The following PILRB variants were observed in gnomAD, a reference collection of about 807,000 sequenced individuals.
The protein encoded by PILRB is paired immunoglobulin-like type 2 receptor beta.
Under a neutral mutation model 20.5 loss-of-function variants are expected in PILRB, and 21 were observed. That is an observed-to-expected ratio of 1.02 (90% CI 0.72 to 1.47). PILRB has a LOEUF of 1.47. PILRB is among the 40% of genes most tolerant of loss of function. PILRB has a pLI of 0.00. For missense variants in PILRB, 253 were observed against 272.1 expected, an observed-to-expected ratio of 0.93 and a Z score of 0.49; for synonymous variants, 133 against 115.1, an observed-to-expected ratio of 1.16 and a Z score of -0.99.
At position 100,358,229 on chromosome 7, in the gene PILRB, A is replaced by G. The variant is rs772471236; in HGVS notation, c.-74A>G. The G allele has an allele frequency of 8.9e-6, 14 of 1,573,974 alleles. No individual in the cohort carries two copies. In the East Asian group the frequency reaches 3.1e-4, roughly 35 times the overall value. On this transcript the variant is annotated 5_prime_UTR_variant, in exon 1 of 4. Transcript: ENST00000609309. ...TCCCCACTCACCTCAGCCCTCAGGC[A>G]GCCCCTCCACAGGGCCCCTCTCCTG...
chr7:100,359,877 G>A (rs1790477267), intron 3 of PILRB, among the ~76,000 whole-genome samples: 1 of 152,178 alleles, frequency 6.6e-6, no homozygotes, highest in African/African-American at 2.4e-5. Context: ...ACAAAAATTA[G>A]CTGGGCATGG....
rs556409410 is a variant in PILRB at position 100,367,549 on chromosome 7, G to C, written c.*172G>C. The C allele has an allele frequency of 1.6e-6, 1 of 619,068 alleles. No homozygotes were observed. The highest frequency in any genetic ancestry group is 3.0e-6 in the Non-Finnish European group (1 of 337,548). 38.3% of individuals were successfully genotyped at this position (619,068 alleles called of 1,614,324 possible). On this transcript the variant is annotated 3_prime_UTR_variant, in exon 4 of 4. Coordinates refer to ENST00000609309, the MANE Select transcript of PILRB (RefSeq NM_178238.4). Reference sequence around the variant, plus strand: ...AAGGAGGCTGGGTCCCTGAATCACCGACTGGAGGAGAGTTACCTACAAGAG... The same window carrying C: ...AAGGAGGCTGGGTCCCTGAATCACCCACTGGAGGAGAGTTACCTACAAGAG...
intron 3 of PILRB, among the ~76,000 whole-genome samples, chr7:100,363,163 G>A (rs1435507758): frequency 2.1e-5 from 3 of 145,676 alleles, no homozygotes; most frequent in African/African-American, 7.6e-5. Context: ...AAGATTTGAA[G>A]TCCTAGCCAG....
intron 3 of PILRB, among the ~76,000 whole-genome samples, chr7:100,362,379 A>G (rs929868345): frequency 4.6e-5 from 7 of 152,210 alleles, no homozygotes; most frequent in Admixed American, 2.0e-4. Context: ...CAAGTTGGAG[A>G]TAGCCCTGGA....
At chr7:100,361,416 G>A (rs566961539) in intron 3 of PILRB, among the ~76,000 whole-genome samples, 2 of 152,312 alleles carry the variant, frequency 1.3e-5, no homozygotes, top group African/African-American at 4.8e-5. Flanking sequence ...TTCAGGCCAG[G>A]CACGGTGGCT....
chr7:100,358,163 C>T lies in PILRB; in HGVS notation c.-140C>T. ...GGAGGTGTACTGGTTTGGGGAAGGT[C>T]CCCGGCCCCCACAGCCCTCTGGGGA... On this transcript the variant is annotated 5_prime_UTR_variant, in exon 1 of 4. Coordinates refer to ENST00000609309, the MANE Select transcript of PILRB (RefSeq NM_178238.4). 6 of 916,798 alleles carry T rather than the reference C, an allele frequency of 6.5e-6. No homozygotes were observed. The highest frequency in any genetic ancestry group is 1.0e-5 in the Non-Finnish European group (6 of 578,506). 56.8% of individuals were successfully genotyped at this position (916,798 alleles called of 1,614,324 possible). A position where few individuals can be genotyped will look rare whatever the true frequency, so the allele number is the denominator to read the frequency against.
intron 3 of PILRB, among the ~76,000 whole-genome samples, chr7:100,362,574 T>G (rs1392162221): frequency 6.6e-6 from 1 of 151,878 alleles, no homozygotes; most frequent in Non-Finnish European, 1.5e-5. Context: ...AGTGGTGCCA[T>G]CTTGGCTCAC....
At chr7:100,364,623 G>A (rs1790623645) in intron 3 of PILRB, among the ~76,000 whole-genome samples, 1 of 152,228 alleles carries the variant, frequency 6.6e-6, no homozygotes, top group Non-Finnish European at 1.5e-5. Context: ...TGGCAGATTA[G>A]CTTCCAAGAT....
At chr7:100,366,986 C>T (rs1024430276) in intron 3 of PILRB, among the ~76,000 whole-genome samples, 2 of 152,104 alleles carry the variant, frequency 1.3e-5, no homozygotes, top group Non-Finnish European at 2.9e-5. Flanking sequence ...TGATCTGCTG[C>T]TCTGGTCCCT....
chr7:100,362,691 A>AAG (rs1386883905), intron 3 of PILRB, among the ~76,000 whole-genome samples: 4 of 151,848 alleles, frequency 2.6e-5, no homozygotes, highest in African/African-American at 9.7e-5. Flanking sequence ...GTATTTTTGG[A>AAG]AGAAACGTGG....
At chr7:100,362,410 A>G (rs1172576192) in intron 3 of PILRB, among the ~76,000 whole-genome samples, 6 of 152,330 alleles carry the variant, frequency 3.9e-5, no homozygotes, top group Admixed American at 3.3e-4. Context: ...CACCCAAAAC[A>G]GGAAAATTAA....
intron 3 of PILRB, among the ~76,000 whole-genome samples, chr7:100,359,993 A>C (rs1487923157): frequency 6.6e-6 from 1 of 152,206 alleles, no homozygotes; most frequent in East Asian, 1.9e-4. Context: ...ACTGCACTCC[A>C]GCCTGGTGAC....
At chr7:100,364,245 A>C (rs959119393) in intron 3 of PILRB, among the ~76,000 whole-genome samples, 2 of 152,224 alleles carry the variant, frequency 1.3e-5, no homozygotes, top group African/African-American at 4.8e-5. Flanking sequence ...TTCTTCAACA[A>C]ATGGTGTTGA....
At position 100,367,365 on chromosome 7, in the gene PILRB, C is replaced by G. The variant is rs771813972; in HGVS notation, c.672C>G (p.Ser224Arg). The change falls in exon 4 of 4, where the codon AGC (serine) becomes AGG (arginine). Residue 224 changes from serine (S) to arginine (R), a missense_variant. Coordinates refer to ENST00000609309, the MANE Select transcript of PILRB (RefSeq NM_178238.4). ...CTCCTGCAGGTAGCAGGGCGCCAAGCAGTGACTTCTGACCAACAGAGTGTG... is the reference window on the plus strand; with the variant it reads ...CTCCTGCAGGTAGCAGGGCGCCAAGGAGTGACTTCTGACCAACAGAGTGTG... ...WRRRKGSRAP[S>R]SDF The G allele has an allele frequency of 3.8e-6, 3 of 780,982 alleles. No individual in the cohort carries two copies. The highest frequency in any genetic ancestry group is 7.2e-6 in the Non-Finnish European group (3 of 418,060). The allele number at this position is 780,982 out of a possible 1,614,324, so 48.4% of individuals were successfully genotyped here.
Position 100,367,453 on chromosome 7 carries a change from C to CACTCGTTCCCCATTGGCAAGAT in PILRB, c.*79_*100dup. On this transcript the variant is annotated 3_prime_UTR_variant, in exon 4 of 4. Coordinates refer to ENST00000609309, the MANE Select transcript of PILRB (RefSeq NM_178238.4). ...GTGAGACCCGCTTGTGAGTCCTCCA[C>CACTCGTTCCCCATTGGCAAGAT]ACTCGTTCCCCATTGGCAAGATACA... The CACTCGTTCCCCATTGGCAAGAT allele has an allele frequency of 1.3e-6, 1 of 770,668 alleles. No individual in the cohort carries two copies. Among genetic ancestry groups the CACTCGTTCCCCATTGGCAAGAT allele is most frequent in the Middle Eastern group, 2.3e-4 (1 of 4,404 alleles). The allele number at this position is 770,668 out of a possible 1,614,324, so 47.7% of individuals were successfully genotyped here.
At position 100,367,516 on chromosome 7, in the gene PILRB, C is replaced by G; in HGVS notation, c.*139C>G. On this transcript the variant is annotated 3_prime_UTR_variant, in exon 4 of 4. Transcript: ENST00000609309. ...TGAGGACCTTTAAAAGGCAAAGCCG[C>G]AAGGCAGAAGGAGGCTGGGTCCCTG... 1 of 679,436 alleles carries G rather than the reference C, an allele frequency of 1.5e-6. No homozygotes were observed. The highest frequency in any genetic ancestry group is 1.6e-5 in the South Asian group (1 of 62,186). The allele number at this position is 679,436 out of a possible 1,614,324, so 42.1% of individuals were successfully genotyped here.
At position 100,364,498 on chromosome 7, in the gene PILRB, G is replaced by C. The variant is rs143690048; in HGVS notation, c.656-2851G>C. Among the ~76,000 whole-genome samples the C allele has an allele frequency of 2.3e-4, 35 of 152,252 alleles. No individual in the cohort carries two copies. In the East Asian group the frequency reaches 6.7e-3, roughly 29 times the overall value. On this transcript the variant is annotated intron_variant, in intron 3 of 3. Coordinates refer to ENST00000609309, the MANE Select transcript of PILRB (RefSeq NM_178238.4). Reference sequence around the variant, plus strand: ...TACAGGTGAAGTATGATCACATCAAGGTTGTTTGACTCCAGGGCAGGATTT... The same window carrying C: ...TACAGGTGAAGTATGATCACATCAACGTTGTTTGACTCCAGGGCAGGATTT...
intron 2 of PILRB, 47 bp from the exon 3 acceptor site, chr7:100,359,290 G>A (rs1480213109): frequency 2.2e-5 from 35 of 1,595,188 alleles, no homozygotes; most frequent in South Asian, 1.3e-4. Context: ...TCATCCAGAC[G>A]CCCCACACCC....
chr7:100,358,949 C>T lies in PILRB; in HGVS notation c.324C>T (p.Gly108=). The change falls in exon 2 of 4, where the codon GGC becomes GGT. Residue 108 remains glycine, a synonymous_variant. Coordinates refer to ENST00000609309, the MANE Select transcript of PILRB (RefSeq NM_178238.4). ...FLNWTEGQES[G]FLRISNLRKE... ...ACTGGACAGAGGGTCAGGAGAGCGG[C>T]TTCCTCAGGATCTCAAACCTGCGGA... is the stretch of plus-strand genomic sequence containing the variant. 6.2e-7 allele frequency: 1 copy of T among 1,614,136 alleles called. No individual in the cohort carries two copies. The highest frequency in any genetic ancestry group is 8.5e-7 in the Non-Finnish European group (1 of 1,180,016).
Sources: gnomAD v4.1 joint callset for allele counts (sites outside exome capture counted in the v4.1 genomes callset) on GRCh38, gnomAD v4.1.1 for gene constraint, MANE v1.5 for transcripts, NCBI Gene and HGNC (gene_info 2026-07-23, HGNC 2026-07-21) for gene names.